Variants in B3GALT5 observed in about 807,000 individuals in gnomAD.
The protein encoded by B3GALT5 is beta-1,3-galactosyltransferase 5.
For synonymous variants in B3GALT5, 156 were observed against 158.6 expected, an observed-to-expected ratio of 0.98 and a Z score of 0.12; for missense variants, 328 against 396.6, an observed-to-expected ratio of 0.83 and a Z score of 1.47.
chr21:39,648,973 C>T (rs919105764), intron 2 of B3GALT5, among the ~76,000 whole-genome samples: 1 of 152,182 alleles, frequency 6.6e-6, no homozygotes, highest in Non-Finnish European at 1.5e-5. Flanking sequence ...GTCTCCAGTA[C>T]CATGAGAAAA....
At chr21:39,625,537 G>C (rs1333254149) in intron 1 of B3GALT5, among the ~76,000 whole-genome samples, 1 of 152,180 alleles carries the variant, frequency 6.6e-6, no homozygotes, top group African/African-American at 2.4e-5. Context: ...CAATTTATTA[G>C]TTTCAAATAA....
intron 1 of B3GALT5, among the ~76,000 whole-genome samples, chr21:39,630,856 C>T (rs2079188367): frequency 6.6e-6 from 1 of 152,144 alleles, no homozygotes; most frequent in African/African-American, 2.4e-5. Flanking sequence ...CCCATCATTT[C>T]TCTCCTCTGA....
chr21:39,660,898 C>T lies in B3GALT5; in HGVS notation c.339C>T (p.Ser113=). 6.2e-7 allele frequency: 1 copy of T among 1,611,390 alleles called. No homozygotes were observed. The highest frequency in any genetic ancestry group is 8.5e-7 in the Non-Finnish European group (1 of 1,178,712). The change falls in exon 4 of 4, where the codon AGC becomes AGT. Residue 113 remains serine (S), a synonymous_variant. Coordinates refer to ENST00000684187, the MANE Select transcript of B3GALT5 (RefSeq NM_001356336.2). Reference sequence around the variant, plus strand: ...AAACGAAAGAGGTGGACCAGGAGAGCCAGCGACACGGGGACATTATCCAGA... The same window carrying T: ...AAACGAAAGAGGTGGACCAGGAGAGTCAGCGACACGGGGACATTATCCAGA... ...AAETKEVDQE[S]QRHGDIIQKD...
chr21:39,613,180 C>G (rs963825582), intron 1 of B3GALT5, 113 bp downstream of exon 1: 3 of 151,188 alleles, frequency 2.0e-5, no homozygotes, highest in African/African-American at 7.3e-5. Context: ...GCGGCGCGGC[C>G]GCGCACTGCA....
chr21:39,657,654 CATCT>C (rs1012670363), intron 2 of B3GALT5: 15 of 295,968 alleles, frequency 5.1e-5, no homozygotes, highest in African/African-American at 3.2e-4. Context: ...AATTTCTTCT[CATCT>C]ATCTGTCTGT....
chr21:39,644,241 T>C (rs1418615771), intron 1 of B3GALT5, among the ~76,000 whole-genome samples: 3 of 152,166 alleles, frequency 2.0e-5, no homozygotes, highest in Non-Finnish European at 4.4e-5. Context: ...AGAAACGACT[T>C]TGAGTTCTGT....
At chr21:39,646,784 C>G (rs536582315) in intron 2 of B3GALT5, among the ~76,000 whole-genome samples, 162 bp downstream of exon 2, 19 of 152,204 alleles carry the variant, frequency 1.2e-4, no homozygotes, top group Non-Finnish European at 2.5e-4. Context: ...GAAAGCAAAA[C>G]TGGGAAAGAG....
rs2079590847 is a variant in B3GALT5, at chr21:39,667,747, G to A, written c.*6255G>A. On this transcript the variant is annotated 3_prime_UTR_variant, in exon 4 of 4. Coordinates refer to ENST00000684187, the MANE Select transcript of B3GALT5 (RefSeq NM_001356336.2). ...CCTGGTGGGGAAGCTGGGGAAAAGG[G>A]CCCATGGGAGGATACTAACTGGGGA... 6.6e-6 allele frequency: 1 copy of A among 152,226 alleles called. No homozygotes were observed. The allele number at this position is 152,226 out of a possible 1,614,324, so 9.4% of individuals were successfully genotyped here. A position where few individuals can be genotyped will look rare whatever the true frequency, so the allele number is the denominator to read the frequency against.
chr21:39,622,769 A>C (rs1401594677), intron 1 of B3GALT5, among the ~76,000 whole-genome samples: 6 of 151,296 alleles, frequency 4.0e-5, no homozygotes, highest in Non-Finnish European at 7.4e-5. Context: ...TCTTTTTCAT[A>C]CCTTTTTTCT....
intron 2 of B3GALT5, among the ~76,000 whole-genome samples, chr21:39,651,433 G>A (rs2146209210): frequency 6.6e-6 from 1 of 152,326 alleles, no homozygotes. Flanking sequence ...TTGGCTGGGA[G>A]ACACAAAGCC....
At chr21:39,646,917 A>G (rs947515995) in intron 2 of B3GALT5, among the ~76,000 whole-genome samples, 2 of 152,078 alleles carry the variant, frequency 1.3e-5, no homozygotes, top group African/African-American at 4.8e-5. Context: ...CCTGGGTAAT[A>G]TAGCAAAACC....
At position 39,613,079 on chromosome 21, in the gene B3GALT5, G is replaced by GC. The variant is rs2079088443; in HGVS notation, c.-392+12_-392+13insC. ...CTGCCCCGCGCACGGTAAGGCCCGG[G>GC]GCTGGGGCGCGGGGCGCGGGGAGCG... On this transcript the variant is annotated intron_variant, in intron 1 of 3. Transcript: ENST00000684187. The GC allele has an allele frequency of 6.7e-6, 1 of 148,722 alleles. No individual in the cohort carries two copies. Among genetic ancestry groups the GC allele is most frequent in the African/African-American group, 2.5e-5 (1 of 40,744 alleles). The allele number at this position is 148,722 out of a possible 1,614,324, so 9.2% of individuals were successfully genotyped here. A position where few individuals can be genotyped will look rare whatever the true frequency, so the allele number is the denominator to read the frequency against.
Position 39,668,207 on chromosome 21 carries a change from G to A in B3GALT5, c.*6715G>A, listed in dbSNP as rs1412593478. On this transcript the variant is annotated 3_prime_UTR_variant, in exon 4 of 4. Coordinates refer to ENST00000684187, the MANE Select transcript of B3GALT5 (RefSeq NM_001356336.2). Reference sequence around the variant, plus strand: ...CGGGCTGACCCCAAGTACCAGAGAGGTCTCCATGGCCCCAGGCTGCAGAGG... The same window carrying A: ...CGGGCTGACCCCAAGTACCAGAGAGATCTCCATGGCCCCAGGCTGCAGAGG... The A allele has an allele frequency of 6.6e-6, 1 of 152,300 alleles. No individual in the cohort carries two copies. The highest frequency in any genetic ancestry group is 1.5e-5 in the Non-Finnish European group (1 of 68,140). 9.4% of individuals were successfully genotyped at this position (152,300 alleles called of 1,614,324 possible). A position where few individuals can be genotyped will look rare whatever the true frequency, so the allele number is the denominator to read the frequency against.
chr21:39,649,245 C>G (rs1396703961), intron 2 of B3GALT5, among the ~76,000 whole-genome samples: 1 of 152,126 alleles, frequency 6.6e-6, no homozygotes, highest in Non-Finnish European at 1.5e-5. Context: ...ACCATGGGCC[C>G]CCTGATGTGC....
At chr21:39,639,558 C>T (rs1424582716) in intron 1 of B3GALT5, among the ~76,000 whole-genome samples, 1 of 150,886 alleles carries the variant, frequency 6.6e-6, no homozygotes, top group East Asian at 1.9e-4. Flanking sequence ...CTGCTCACTG[C>T]AACCTCCACC....
Position 39,661,364 on chromosome 21 carries a change from G to C in B3GALT5, c.805G>C (p.Gly269Arg). Residue 269 changes from glycine to arginine, a missense_variant, in exon 4 of 4, where the codon GGG becomes CGG. Coordinates refer to ENST00000684187, the MANE Select transcript of B3GALT5 (RefSeq NM_001356336.2). This position sits in a 1 kb window ranked among gnomAD's most constrained non-coding sequence, Gnocchi z 4.7. ...CCACTCCCAGCCGACCTTTTTTCCA[G>C]GGGGCTTACGCTTCTCCGTATGCCT... Reference protein sequence around the residue: ...ELHSQPTFFPGGLRFSVCLFR... With the variant: ...ELHSQPTFFPRGLRFSVCLFR... 2.5e-6 allele frequency: 4 copies of C among 1,608,254 alleles called. No homozygotes were observed. The highest frequency in any genetic ancestry group is 3.4e-6 in the Non-Finnish European group (4 of 1,177,324).
Position 39,661,086 on chromosome 21 carries a change from C to G in B3GALT5, c.527C>G (p.Thr176Arg). ...GAACTGCTTCTGAAGAAAAACAGAA[C>G]AACCAGGTTTTTCACTGGCTTCTTG... is the stretch of plus-strand genomic sequence containing the variant. ...LTELLLKKNR[T>R]TRFFTGFLKL... The change falls in exon 4 of 4, where the codon ACA becomes AGA. Residue 176 changes from threonine (T) to arginine (R), a missense_variant. By Grantham distance (71) the Thr-to-Arg change is moderately conservative. Coordinates refer to ENST00000684187, the MANE Select transcript of B3GALT5 (RefSeq NM_001356336.2). The surrounding 1 kb of genome is among the most constrained non-coding windows in gnomAD (Gnocchi z 4.7). 1.2e-6 allele frequency: 2 copies of G among 1,614,172 alleles called. No individual in the cohort carries two copies. Among genetic ancestry groups the G allele is most frequent in the East Asian group, 4.5e-5 (2 of 44,882 alleles).
rs544187552 is a variant in B3GALT5 at position 39,664,632 on chromosome 21, C to T, written c.*3140C>T. 5.3e-5 allele frequency: 8 copies of T among 152,338 alleles called. No homozygotes were observed. The East Asian group carries it at 7.8e-4, about 15-fold the overall frequency. 9.4% of individuals were successfully genotyped at this position (152,338 alleles called of 1,614,324 possible). ...CGAGAGTTTTACTTGTCTGTTGCCT[C>T]GTCCTAATCCTTCCCTTCTTTCCCA... On this transcript the variant is annotated 3_prime_UTR_variant, in exon 4 of 4. Transcript: ENST00000684187.
rs2146217753 is a variant in B3GALT5, at chr21:39,659,828, G to A, written c.-85G>A. The A allele has an allele frequency of 1.0e-6, 1 of 984,736 alleles. No individual in the cohort carries two copies. Among genetic ancestry groups the A allele is most frequent in the East Asian group, 1.1e-4 (1 of 8,782 alleles). The allele number at this position is 984,736 out of a possible 1,614,324, so 61.0% of individuals were successfully genotyped here. A position where few individuals can be genotyped will look rare whatever the true frequency, so the allele number is the denominator to read the frequency against. On this transcript the variant is annotated 5_prime_UTR_variant, in exon 3 of 4. Transcript: ENST00000684187. ...TGATAATTATGGAGCATTCTACACT[G>A]ACAGTTCTTTGAGACAAATTTCCTC...
Sources: allele counts gnomAD v4.1 joint callset (sites outside exome capture counted in the v4.1 genomes callset), GRCh38; gene constraint gnomAD v4.1.1; non-coding constraint Gnocchi (gnomAD v3.1); transcripts MANE v1.5; gene names NCBI Gene and HGNC (gene_info 2026-07-23, HGNC 2026-07-21).